Variants in KIR3DL3 observed in about 807,000 individuals in gnomAD.
KIR3DL3 encodes killer cell immunoglobulin-like receptor 3DL3.
In KIR3DL3, 27 loss-of-function variants were observed where a neutral mutation model predicts 34.9. The observed-to-expected ratio is 0.77, with a 90% confidence interval of 0.57 to 1.07. KIR3DL3 has a LOEUF of 1.07. KIR3DL3 is among the 50% of genes least tolerant of loss of function. The probability of loss-of-function intolerance (pLI) is 0.00; values close to 1 mark genes in which losing one functional copy is unlikely to be tolerated. For synonymous variants in KIR3DL3, 217 were observed against 200.2 expected (o/e 1.08, Z -0.71); for missense variants, 681 against 528.5 (o/e 1.29, Z -2.83).
At chr19:54,725,334 C>A in intron 2 of KIR3DL3, 52 bp downstream of exon 2, 1 of 1,331,646 alleles carries the variant, frequency 7.5e-7, no homozygotes, top group Non-Finnish European at 1.0e-6. Context: ...TAAGATGATG[C>A]TCCTGAAACG....
intron 2 of KIR3DL3, among the ~76,000 whole-genome samples, chr19:54,725,608 C>A (rs1305231018): frequency 6.6e-6 from 1 of 152,118 alleles, no homozygotes; most frequent in Non-Finnish European, 1.5e-5. Context: ...CCTCTGAGGA[C>A]AAGAGCATAA....
At chr19:54,729,450 C>T (rs1463713097) in intron 4 of KIR3DL3, 43 bp from the exon 5 acceptor site, 2 of 1,471,726 alleles carry the variant, frequency 1.4e-6, no homozygotes, top group East Asian at 4.8e-5. Flanking sequence ...AGAGCTGTGA[C>T]AAGGAAGAAC....
At chr19:54,733,813 C>A (rs1233762958) in intron 5 of KIR3DL3, among the ~76,000 whole-genome samples, 4 of 152,200 alleles carry the variant, frequency 2.6e-5, no homozygotes, top group African/African-American at 9.7e-5. Flanking sequence ...ATCTCTACTT[C>A]CAATCACCTA....
Position 54,729,565 on chromosome 19 carries a change from C to T in KIR3DL3, c.728C>T (p.Ser243Phe). ...CAGGCAGGAGAGAATGTGACCTTGT[C>T]CTGCAGCTCCCGGAGCTTGTTTGAC... ...TVQAGENVTL[S>F]CSSRSLFDIY... Residue 243 changes from serine (S) to phenylalanine (F), a missense_variant, in exon 5 of 8, where the codon TCC (serine) becomes TTC (phenylalanine). Coordinates refer to ENST00000291860, the MANE Select transcript of KIR3DL3 (RefSeq NM_153443.5). 1 of 1,607,396 alleles carries T rather than the reference C, an allele frequency of 6.2e-7. No homozygotes were observed. The highest frequency in any genetic ancestry group is 2.2e-5 in the East Asian group (1 of 44,484).
chr19:54,728,379 G>A (rs1446198890), intron 4 of KIR3DL3, among the ~76,000 whole-genome samples: 17 of 147,832 alleles, frequency 1.1e-4, no homozygotes, highest in Non-Finnish European at 2.1e-4. Context: ...TCTGCCTTCC[G>A]TGCAGTGGAG....
At chr19:54,725,426 A>AGG (rs2068062714) in intron 2 of KIR3DL3, 144 bp downstream of exon 2, 1 of 703,170 alleles carries the variant, frequency 1.4e-6, no homozygotes, top group East Asian at 2.6e-5. Flanking sequence ...AGGAAAAGGA[A>AGG]GCCAGGGGAA....
rs1182794835 is a variant in KIR3DL3, at chr19:54,729,554, T to A, written c.717T>A (p.Asn239Lys). The A allele has an allele frequency of 1.9e-6, 3 of 1,606,352 alleles. No individual in the cohort carries two copies. In the Admixed American group the frequency reaches 5.1e-5, roughly 27 times the overall value. The stretch of plus-strand genomic sequence containing the variant: ...GCCCCACGGTTCAGGCAGGAGAGAA[T>A]GTGACCTTGTCCTGCAGCTCCCGGA... ...QPGPTVQAGE[N>K]VTLSCSSRSL... is the part of the protein sequence containing the mutation. The change falls in exon 5 of 8, where the codon AAT becomes AAA. Residue 239 changes from asparagine (N) to lysine (K), a missense_variant. By Grantham distance (94) the Asn-to-Lys change is moderately conservative (BLOSUM62 0). Coordinates refer to ENST00000291860, the MANE Select transcript of KIR3DL3 (RefSeq NM_153443.5).
chr19:54,728,992 GAGAT>G (rs2068496750), intron 4 of KIR3DL3, among the ~76,000 whole-genome samples: 1 of 123,568 alleles, frequency 8.1e-6, no homozygotes, highest in African/African-American at 2.7e-5. Context: ...TAGATATAGA[GAGAT>G]AGAAAGACAG....
At chr19:54,727,526 T>A in intron 3 of KIR3DL3, 85 bp from the exon 4 acceptor site, 1 of 1,284,572 alleles carries the variant, frequency 7.8e-7, no homozygotes, top group Admixed American at 2.1e-5. Flanking sequence ...ATAGACACCA[T>A]GGAGGGGAAG....
At chr19:54,733,320 G>A (rs1198467154) in intron 5 of KIR3DL3, among the ~76,000 whole-genome samples, 2 of 152,056 alleles carry the variant, frequency 1.3e-5, no homozygotes, top group South Asian at 4.2e-4. Context: ...TCACTTAAGG[G>A]TAGGAGTTTG....
chr19:54,730,203 T>C (rs1414601001), intron 5 of KIR3DL3, among the ~76,000 whole-genome samples: 1 of 151,574 alleles, frequency 6.6e-6, no homozygotes, highest in African/African-American at 2.4e-5. Flanking sequence ...TGAGGTGAAA[T>C]ATACCTATGT....
rs1300056069 is a variant in KIR3DL3, at chr19:54,729,209, TAAAG to T, written c.656-278_656-275del. The stretch of plus-strand genomic sequence containing the variant: ...AGACAGAAAGTGAGAGACTCAGAAT[TAAAG>T]AAAGAGGAAGATCAAGTCAACCAGT... On this transcript the variant is annotated intron_variant, in intron 4 of 7. Transcript: ENST00000291860. Among the ~76,000 whole-genome samples the T allele has an allele frequency of 8.7e-5, 13 of 150,006 alleles. No individual in the cohort carries two copies. In the South Asian group the frequency reaches 1.7e-3, roughly 20 times the overall value.
intron 5 of KIR3DL3, among the ~76,000 whole-genome samples, chr19:54,733,555 C>T (rs1267677795): frequency 7.0e-6 from 1 of 142,870 alleles, no homozygotes; most frequent in Non-Finnish European, 1.5e-5. Context: ...ATAATTATGA[C>T]ACACAGAAAT....
chr19:54,730,135 G>C (rs1289434226), intron 5 of KIR3DL3, among the ~76,000 whole-genome samples: 2 of 152,136 alleles, frequency 1.3e-5, no homozygotes, highest in African/African-American at 4.8e-5. Context: ...CACCCACAGA[G>C]AGATGTCATC....
In KIR3DL3 at chr19:54,725,299, A is replaced by C; in HGVS notation, c.70+17A>C. The C allele has an allele frequency of 6.4e-7, 1 of 1,556,092 alleles. No homozygotes were observed. Among genetic ancestry groups the C allele is most frequent in the Middle Eastern group, 1.7e-4 (1 of 5,760 alleles). On this transcript the variant is annotated intron_variant, in intron 2 of 7. Transcript: ENST00000291860. ...CACATGTGGGTGAGTCCTTCCCCCA[A>C]ACCTTAGGTTGTCATCTCCCCACAT...
chr19:54,726,099 G>T lies in KIR3DL3; in HGVS notation c.117G>T (p.Val39=). 1 of 1,613,482 alleles carries T rather than the reference G, an allele frequency of 6.2e-7. No homozygotes were observed. The highest frequency in any genetic ancestry group is 8.5e-7 in the Non-Finnish European group (1 of 1,179,772). ...PFLSAWPGTV[V]SEGQHVTLQC... is the part of the protein sequence containing the mutation. ...TCTCTGCCTGGCCCGGCACTGTGGT[G>T]TCTGAAGGACAACATGTGACTCTTC... Residue 39 remains valine, a synonymous_variant, in exon 3 of 8, where the codon GTG becomes GTT. Coordinates refer to ENST00000291860, the MANE Select transcript of KIR3DL3 (RefSeq NM_153443.5).
Position 54,729,841 on chromosome 19 carries a change from G to A in KIR3DL3, c.949+55G>A, listed in dbSNP as rs1238369743. 16 of 1,525,328 alleles carry A rather than the reference G, an allele frequency of 1.0e-5. 1 individual carries two copies. In the Middle Eastern group the frequency reaches 5.2e-4, roughly 50 times the overall value. 94.5% of individuals were successfully genotyped at this position (1,525,328 alleles called of 1,614,324 possible). On this transcript the variant is annotated intron_variant, in intron 5 of 7. Transcript: ENST00000291860. ...TTGTGATCCTAGAGCCATAGCTGAG[G>A]AGCTTCCTGCTGATGATGGAGAGAA...
At chr19:54,727,058 A>G in intron 3 of KIR3DL3, among the ~76,000 whole-genome samples, 1 of 137,394 alleles carries the variant, frequency 7.3e-6, no homozygotes, top group East Asian at 2.1e-4. Flanking sequence ...TGGGATACTG[A>G]TGCTACCACC....
At chr19:54,727,465 C>A in intron 3 of KIR3DL3, 146 bp from the exon 4 acceptor site, 1 of 777,846 alleles carries the variant, frequency 1.3e-6, no homozygotes, top group Non-Finnish European at 2.0e-6. Flanking sequence ...GGACCTGCAA[C>A]AGGGGTTATG....
Sources: allele counts gnomAD v4.1 joint callset (sites outside exome capture counted in the v4.1 genomes callset), GRCh38; gene constraint gnomAD v4.1.1; transcripts MANE v1.5; gene names NCBI Gene and HGNC (gene_info 2026-07-23, HGNC 2026-07-21).